The following UBTF variants were observed in gnomAD, a reference collection of about 807,000 sequenced individuals.
UBTF encodes the protein nucleolar transcription factor 1.
UBTF carries 8 observed loss-of-function variants against 112.3 expected under a neutral mutation model. That is an observed-to-expected ratio of 0.07 (90% CI 0.04 to 0.13). The LOEUF is 0.13. UBTF is among the 10% of genes least tolerant of loss of function. UBTF has a pLI of 1.00. For synonymous variants in UBTF, 417 were observed against 373.1 expected, an observed-to-expected ratio of 1.12 and a Z score of -1.36; for missense variants, 457 against 982.1, an observed-to-expected ratio of 0.47 and a Z score of 7.15.
chr17:44,212,755 G>A, intron 7 of UBTF, 64 bp downstream of exon 7: 1 of 1,597,080 alleles, frequency 6.3e-7, no homozygotes, highest in South Asian at 1.1e-5. Context: ...CGGCCGACCT[G>A]GCGCGGCTCC....
chr17:44,209,572 G>A (rs2526016), intron 16 of UBTF, 31 bp from the exon 17 acceptor site: 2 of 1,613,268 alleles, frequency 1.2e-6, no homozygotes, highest in South Asian at 1.1e-5. Context: ...AGGAGGGTCA[G>A]GACCCCAACA....
In UBTF at chr17:44,206,117, A is replaced by G. The variant is rs776222291; in HGVS notation, c.*1125T>C. ...CAGATGAACAGGGGAGACCTTTTCC[A>G]TCAAATACAAGCTTTAAGCTTCACA... On this transcript the variant is annotated 3_prime_UTR_variant, in exon 21 of 21. Coordinates refer to ENST00000436088, the MANE Select transcript of UBTF (RefSeq NM_014233.4). 6.6e-6 allele frequency: 1 copy of G among 152,150 alleles called. No individual in the cohort carries two copies. The highest frequency in any genetic ancestry group is 1.5e-5 in the Non-Finnish European group (1 of 68,024). The allele number at this position is 152,150 out of a possible 1,614,324, so 9.4% of individuals were successfully genotyped here.
chr17:44,210,705 C>T, intron 13 of UBTF, 87 bp downstream of exon 13: 1 of 1,518,112 alleles, frequency 6.6e-7, no homozygotes, highest in Admixed American at 2.1e-5. Flanking sequence ...CTCAGGCGGC[C>T]AGGGGCGAGG....
Position 44,207,925 on chromosome 17 carries a change from A to G in UBTF, c.1906-14T>C, listed in dbSNP as rs1047314530. On this transcript the variant is annotated splice_polypyrimidine_tract_variant and intron_variant, in intron 17 of 20. Transcript: ENST00000436088. The stretch of plus-strand genomic sequence containing the variant: ...GGGAGACAGGCTCTGGGGGAGACAG[A>G]AGCGGCAAGGGTTGGAACATAGCCA... 62 of 1,613,662 alleles carry G rather than the reference A, an allele frequency of 3.8e-5. No homozygotes were observed. The highest frequency in any genetic ancestry group is 5.3e-5 in the Non-Finnish European group (62 of 1,179,980).
At chr17:44,209,087 T>G in intron 17 of UBTF, 1 of 373,860 alleles carries the variant, frequency 2.7e-6, no homozygotes, top group Non-Finnish European at 4.9e-6. Flanking sequence ...GAGAATCGCT[T>G]GAACCTGGGA....
rs377485029 is a variant in UBTF at position 44,209,595 on chromosome 17, A to G, written c.1715+50T>C. The G allele has an allele frequency of 4.8e-4, 768 of 1,613,664 alleles. 1 individual carries two copies. Among genetic ancestry groups the G allele is most frequent in the Non-Finnish European group, 6.3e-4 (740 of 1,179,720 alleles). On this transcript the variant is annotated intron_variant, in intron 16 of 20. Coordinates refer to ENST00000436088, the MANE Select transcript of UBTF (RefSeq NM_014233.4). Reference sequence around the variant, plus strand: ...CAGGACCCCAACAAAGCAGCCATCCAGCCCTGACCCTCCCCGACCTCCAGG... The same window carrying G: ...CAGGACCCCAACAAAGCAGCCATCCGGCCCTGACCCTCCCCGACCTCCAGG...
upstream of UBTF, among the ~76,000 whole-genome samples, chr17:44,219,924 G>A (rs561472410): frequency 6.6e-6 from 1 of 151,398 alleles, no homozygotes; most frequent in Non-Finnish European, 1.5e-5. Context: ...CCCTCCCACA[G>A]CCTGCCCGGG....
intron 15 of UBTF, 70 bp from the exon 16 acceptor site, chr17:44,209,803 C>T (rs1203638160): frequency 1.5e-5 from 22 of 1,506,606 alleles, no homozygotes; most frequent in Non-Finnish European, 1.0e-5. Flanking sequence ...TGCCTCATGC[C>T]ATCAGCACCT....
chr17:44,214,422 C>T (rs1395518565), intron 5 of UBTF, among the ~76,000 whole-genome samples: 1 of 152,228 alleles, frequency 6.6e-6, no homozygotes, highest in African/African-American at 2.4e-5. Context: ...GGTTCAGTGG[C>T]AGAGCCAGGA....
rs1385124109 is a variant in UBTF, at chr17:44,215,911, G to T, written c.313C>A (p.Leu105Ile). Residue 105 changes from leucine to isoleucine, a missense_variant, in exon 4 of 21, where the codon CTC becomes ATC. Around this residue, in one of 7 missense-constraint regions of UBTF, gnomAD observed 26 missense variants for 132.9 expected, o/e 0.20. Transcript: ENST00000436088. The part of the protein sequence containing the change: ...HVKNPYKGKK[L>I]KKHPDFPKKP... ...TCCTCCTCCTAGTAACTCACCTTGA[G>T]TTTTTTGCCTTTGTAAGGATTTTTA... The T allele has an allele frequency of 6.2e-7, 1 of 1,613,926 alleles. No individual in the cohort carries two copies. Among genetic ancestry groups the T allele is most frequent in the Non-Finnish European group, 8.5e-7 (1 of 1,180,006 alleles).
Position 44,211,237 on chromosome 17 carries a change from G to C in UBTF, c.1089+53C>G, listed in dbSNP as rs2056656691. 1.9e-6 allele frequency: 3 copies of C among 1,613,864 alleles called. No homozygotes were observed. The highest frequency in any genetic ancestry group is 1.7e-5 in the Admixed American group (1 of 60,008). ...ATCTCCAGGGGCTCACCAGGGCTCTGCCTGCCAAGTCCCAGTCTTCTCTGC... is the reference window on the plus strand; with the variant it reads ...ATCTCCAGGGGCTCACCAGGGCTCTCCCTGCCAAGTCCCAGTCTTCTCTGC... On this transcript the variant is annotated intron_variant, in intron 11 of 20. Coordinates refer to ENST00000436088, the MANE Select transcript of UBTF (RefSeq NM_014233.4). The surrounding 1 kb of genome is among the most constrained non-coding windows in gnomAD (Gnocchi z 4.9).
intron 5 of UBTF, 82 bp from the exon 6 acceptor site, chr17:44,213,364 G>A (rs576912740): frequency 1.1e-5 from 16 of 1,442,600 alleles, no homozygotes; most frequent in Middle Eastern, 1.9e-4. Flanking sequence ...ACCCCTCCTC[G>A]CTGGCTCTTC....
intron 13 of UBTF, 29 bp from the exon 14 acceptor site, chr17:44,210,502 C>T (rs760720716): frequency 3.9e-6 from 6 of 1,555,424 alleles, no homozygotes; most frequent in African/African-American, 2.8e-5. Flanking sequence ...CGTCAGCCTT[C>T]CACCCACCCC....
intron 7 of UBTF, 107 bp from the exon 8 acceptor site, chr17:44,212,561 A>C: frequency 1.9e-6 from 2 of 1,044,766 alleles, no homozygotes; most frequent in Non-Finnish European, 2.8e-6. Context: ...ATGGGAGGTC[A>C]CATCAGTGTC....
In UBTF at chr17:44,215,886, T is replaced by C; in HGVS notation, c.318+20A>G. 6.2e-7 allele frequency: 1 copy of C among 1,613,952 alleles called. No homozygotes were observed. The highest frequency in any genetic ancestry group is 1.1e-5 in the South Asian group (1 of 91,078). On this transcript the variant is annotated intron_variant, in intron 4 of 20. Coordinates refer to ENST00000436088, the MANE Select transcript of UBTF (RefSeq NM_014233.4). ...ACCTTTCCTCCCATACCCCTCATGC[T>C]CCTCCTCCTAGTAACTCACCTTGAG... is the stretch of plus-strand genomic sequence containing the variant.
chr17:44,209,881 G>T, intron 15 of UBTF, 148 bp from the exon 16 acceptor site: 1 of 886,008 alleles, frequency 1.1e-6, no homozygotes. Flanking sequence ...CTTCCTAACA[G>T]CTCACGTCTG....
intron 5 of UBTF, 156 bp downstream of exon 5, chr17:44,215,498 G>GGCAATCAGGTGTGGCT (rs2046804197): frequency 2.2e-6 from 2 of 892,210 alleles, no homozygotes; most frequent in Admixed American, 5.0e-5. Flanking sequence ...CCGAGGAAGG[G>GGCAATCAGGTGTGGCT]GCAATCAGGT....
chr17:44,219,243 G>A (rs1171150493), intron 1 of UBTF: 49 of 150,998 alleles, frequency 3.2e-4, no homozygotes, highest in Non-Finnish European at 1.5e-5. Context: ...TCCTCCGCCA[G>A]CGGCCGGGGC....
rs1012563082 is a variant in UBTF, at chr17:44,205,195, T to C, written c.*2047A>G. On this transcript the variant is annotated 3_prime_UTR_variant, in exon 21 of 21. Coordinates refer to ENST00000436088, the MANE Select transcript of UBTF (RefSeq NM_014233.4). Reference sequence around the variant, plus strand: ...AATCCTACAAAACACTCCTTAAATATTAGAAAAGAAGTTGGGGGTGGGGAT... The same window carrying C: ...AATCCTACAAAACACTCCTTAAATACTAGAAAAGAAGTTGGGGGTGGGGAT... 6.6e-6 allele frequency: 1 copy of C among 152,522 alleles called. No individual in the cohort carries two copies. The highest frequency in any genetic ancestry group is 2.4e-5 in the African/African-American group (1 of 41,388). The allele number at this position is 152,522 out of a possible 1,614,324, so 9.4% of individuals were successfully genotyped here.
Sources: gnomAD v4.1 joint callset for allele counts (sites outside exome capture counted in the v4.1 genomes callset) on GRCh38, gnomAD v4.1.1 for gene constraint, gnomAD v4.1.1 regional missense constraint, Gnocchi (gnomAD v3.1) non-coding constraint, MANE v1.5 for transcripts, NCBI Gene and HGNC (gene_info 2026-07-23, HGNC 2026-07-21) for gene names.